Variants in SDK2 observed in about 807,000 individuals in gnomAD.
The protein encoded by SDK2 is protein sidekick-2.
In SDK2, 105 loss-of-function variants were observed where a neutral mutation model predicts 253.9. The observed-to-expected ratio is 0.41, with a 90% CI of 0.35 to 0.49. The LOEUF is 0.49. Ranked by LOEUF, SDK2 falls within the 20% of genes least tolerant of loss-of-function variation. The probability of loss-of-function intolerance (pLI) is 0.06; values close to 1 mark genes in which losing one functional copy is unlikely to be tolerated. For synonymous variants in SDK2, 1,249 were observed against 1,234.9 expected (o/e 1.01, Z -0.24); for missense variants, 2,608 against 3,003.0 (o/e 0.87, Z 3.07).
At chr17:73,367,517 T>G (rs1243606322) in intron 37 of SDK2, among the ~76,000 whole-genome samples, 5 of 150,638 alleles carry the variant, frequency 3.3e-5, no homozygotes, top group Admixed American at 6.7e-5. Flanking sequence ...TTTTTTTTTT[T>G]GGGACAGAGT....
At position 73,443,425 on chromosome 17, in the gene SDK2, C is replaced by T. The variant is rs1427800467; in HGVS notation, c.614-2502G>A. 5.3e-5 allele frequency among the ~76,000 whole-genome samples: 8 copies of T among 151,276 alleles called. No individual in the cohort carries two copies. Among genetic ancestry groups the T allele is most frequent in the South Asian group, 2.1e-4 (1 of 4,830 alleles). On this transcript the variant is annotated intron_variant, in intron 5 of 44. Transcript: ENST00000392650. The surrounding 1 kb of genome is among the most constrained non-coding windows in gnomAD (Gnocchi z 4.6). ...TGTGCTCTAAGTTGTTTATTACATG[C>T]GGGGGCGCGCAGGTACCACGGCTCA...
In SDK2 at chr17:73,609,528, C is replaced by A. The variant is rs529397576; in HGVS notation, c.64+34497G>T. ...GAATTAGAGACAGGGGCATTAGCAA[C>A]TTTTTCATGACATTTTGCTGCAAAG... is the stretch of plus-strand genomic sequence containing the variant. On this transcript the variant is annotated intron_variant, in intron 1 of 44. Coordinates refer to ENST00000392650, the MANE Select transcript of SDK2 (RefSeq NM_001144952.2). The surrounding 1 kb of genome is among the most constrained non-coding windows in gnomAD (Gnocchi z 4.4). Among the ~76,000 whole-genome samples the A allele has an allele frequency of 3.7e-4, 57 of 152,244 alleles. No homozygotes were observed. The highest frequency in any genetic ancestry group is 1.2e-3 in the African/African-American group (49 of 41,538).
At chr17:73,597,259 A>C (rs879649280) in intron 1 of SDK2, among the ~76,000 whole-genome samples, 1 of 152,130 alleles carries the variant, frequency 6.6e-6, no homozygotes, top group Non-Finnish European at 1.5e-5. Context: ...CTGACACAAG[A>C]CGGGGAGCTG....
intron 39 of SDK2, 38 bp from the exon 40 acceptor site, chr17:73,358,242 C>T (rs1200684044): frequency 5.8e-6 from 9 of 1,555,850 alleles, no homozygotes. Flanking sequence ...TGTATGGAAC[C>T]CAGAACAGCC....
At chr17:73,525,989 T>A (rs2064122194) in intron 1 of SDK2, among the ~76,000 whole-genome samples, 1 of 152,216 alleles carries the variant, frequency 6.6e-6, no homozygotes, top group South Asian at 2.1e-4. Context: ...GGGAGATGGA[T>A]GAGCCACTTG....
chr17:73,352,555 C>T lies in SDK2; in HGVS notation c.5676G>A (p.Pro1892=), dbSNP rs189560899. Residue 1892 remains proline (P), a synonymous_variant, in exon 41 of 45, where the codon CCG becomes CCA. Transcript: ENST00000392650. This position sits in a 1 kb window ranked among gnomAD's most constrained non-coding sequence, Gnocchi z 4.1. The part of the protein sequence containing the change: ...SYTFSMDILK[P]GVSYDFRVIA... ...TGACCCGGAAGTCATAGCTCACGCC[C>T]GGCTTCAGGATGTCCATGCTGAACG... 470 of 1,614,060 alleles carry T rather than the reference C, an allele frequency of 2.9e-4. 9 individuals carry two copies. In the East Asian group the frequency reaches 0.01, roughly 35 times the overall value.
intron 18 of SDK2, among the ~76,000 whole-genome samples, chr17:73,410,569 G>A (rs915997816): frequency 1.3e-5 from 2 of 152,030 alleles, no homozygotes; most frequent in African/African-American, 2.4e-5. Flanking sequence ...CTCCTGCCTC[G>A]ACCTCCCAAA....
At chr17:73,454,735 TCTGGAGGCTGGAGG>T (rs370894414) in intron 4 of SDK2, among the ~76,000 whole-genome samples, 3 of 152,174 alleles carry the variant, frequency 2.0e-5, no homozygotes, top group African/African-American at 7.2e-5. Flanking sequence ...TCTGGTTTTG[TCTGGAGGCTGGAGG>T]CTGGAGTGCA....
intron 34 of SDK2, among the ~76,000 whole-genome samples, chr17:73,380,451 G>A (rs12949077): frequency 0.34 from 52,110 of 152,038 alleles, 11,007 homozygotes; most frequent in Non-Finnish European, 0.48. Context: ...GGAGGACGAC[G>A]GACGCAGGTG....
chr17:73,396,629 G>A (rs904502864), intron 24 of SDK2, among the ~76,000 whole-genome samples: 9 of 152,262 alleles, frequency 5.9e-5, no homozygotes, highest in Non-Finnish European at 8.8e-5. Flanking sequence ...TACCTGCTGA[G>A]GAAAGGTAAT....
rs576093523 is a variant in SDK2 at position 73,392,009 on chromosome 17, C to T, written c.3899-471G>A. 5.9e-5 allele frequency among the ~76,000 whole-genome samples: 9 copies of T among 152,268 alleles called. No homozygotes were observed. In the East Asian group the frequency reaches 1.7e-3, roughly 30 times the overall value. On this transcript the variant is annotated intron_variant, in intron 27 of 44. Coordinates refer to ENST00000392650, the MANE Select transcript of SDK2 (RefSeq NM_001144952.2). ...ATCCTGGGACCCCGGAATTCCCTGCCCAGAGAGGCCTAAGCACGCTTCCAG... is the reference window on the plus strand; with the variant it reads ...ATCCTGGGACCCCGGAATTCCCTGCTCAGAGAGGCCTAAGCACGCTTCCAG...
intron 1 of SDK2, among the ~76,000 whole-genome samples, chr17:73,628,630 A>G (rs2046232448): frequency 6.6e-6 from 1 of 152,226 alleles, no homozygotes; most frequent in African/African-American, 2.4e-5. Flanking sequence ...GGACGGGCCC[A>G]GAGAGCCACA....
chr17:73,498,174 C>T (rs1182622241), intron 2 of SDK2, among the ~76,000 whole-genome samples: 2 of 152,234 alleles, frequency 1.3e-5, no homozygotes, highest in East Asian at 1.9e-4. Flanking sequence ...TGGTCACAAC[C>T]GGCACCCATT....
intron 36 of SDK2, among the ~76,000 whole-genome samples, chr17:73,377,972 G>A (rs958943089): frequency 1.3e-5 from 2 of 152,042 alleles, no homozygotes; most frequent in African/African-American, 4.8e-5. Context: ...TCCTCATTTG[G>A]GCATAAAAAC....
At chr17:73,365,532 G>T in intron 37 of SDK2, 137 bp from the exon 38 acceptor site, 1 of 787,536 alleles carries the variant, frequency 1.3e-6, no homozygotes. Flanking sequence ...CAGAAAGGGC[G>T]GGCAGGAGGG....
intron 4 of SDK2, among the ~76,000 whole-genome samples, chr17:73,453,961 TA>T (rs989414582): frequency 6.6e-6 from 1 of 152,178 alleles, no homozygotes; most frequent in Non-Finnish European, 1.5e-5. Flanking sequence ...GGTGTGCCAT[TA>T]AAAAAATCTT....
chr17:73,433,870 CT>C, intron 9 of SDK2, 22 bp from the exon 10 acceptor site: 2 of 1,459,866 alleles, frequency 1.4e-6, no homozygotes, highest in Non-Finnish European at 9.2e-7. Context: ...GAAGTGGGGC[CT>C]TTTAGCCACA....
chr17:73,415,352 T>A (rs1249733025), intron 17 of SDK2, among the ~76,000 whole-genome samples: 1 of 141,290 alleles, frequency 7.1e-6, no homozygotes, highest in Non-Finnish European at 1.5e-5. Flanking sequence ...TCATTTCACT[T>A]TTTTTTTTTT....
intron 1 of SDK2, chr17:73,517,479 G>A (rs1338788103): frequency 6.6e-6 from 1 of 152,180 alleles, no homozygotes; most frequent in African/African-American, 2.4e-5. Context: ...GGACTGAAGC[G>A]ACGCATCTAC....
Sources: allele counts gnomAD v4.1 joint callset (sites outside exome capture counted in the v4.1 genomes callset), GRCh38; gene constraint gnomAD v4.1.1; non-coding constraint Gnocchi (gnomAD v3.1); transcripts MANE v1.5; gene names NCBI Gene and HGNC (gene_info 2026-07-23, HGNC 2026-07-21).